The following WNT7B variants were observed in gnomAD, a reference collection of about 807,000 sequenced individuals.
WNT7B encodes the protein protein Wnt-7b.
Under a neutral mutation model 38.2 loss-of-function variants are expected in WNT7B, and 19 were observed. The ratio of observed to expected loss-of-function variants is 0.50; its 90% CI spans 0.35 to 0.73. The LOEUF (loss-of-function observed/expected upper bound fraction) is 0.73, where lower values mean the gene tolerates loss of function less well. Ranked by LOEUF, WNT7B falls within the 30% of genes least tolerant of loss-of-function variation. WNT7B has a pLI of 0.01. For missense variants in WNT7B, 423 were observed against 507.9 expected (o/e 0.83, Z 1.61); for synonymous variants, 243 against 209.3 (o/e 1.16, Z -1.39).
At chr22:45,937,354 G>A (rs1011672930) in intron 2 of WNT7B, among the ~76,000 whole-genome samples, 1 of 152,212 alleles carries the variant, frequency 6.6e-6, no homozygotes, top group Non-Finnish European at 1.5e-5. Flanking sequence ...CCCTGAAATT[G>A]GCCAGCTGAG....
chr22:45,960,469 AC>A (rs35438042), intron 1 of WNT7B, among the ~76,000 whole-genome samples: 86,895 of 150,456 alleles, frequency 0.58, 28,294 homozygotes, highest in East Asian at 0.83. Flanking sequence ...GAGCCACCCC[AC>A]CCCCCCAGCT....
intron 2 of WNT7B, chr22:45,936,134 G>T (rs1197160320): frequency 1.0e-6 from 1 of 985,366 alleles, no homozygotes; most frequent in East Asian, 1.1e-4. Flanking sequence ...TGGTCCTGAA[G>T]GTTCCAGCCC....
At chr22:45,952,086 A>G (rs1931946658) in intron 1 of WNT7B, among the ~76,000 whole-genome samples, 1 of 152,168 alleles carries the variant, frequency 6.6e-6, no homozygotes. Context: ...CTTCAAAACA[A>G]CAGATCAGGC....
chr22:45,926,838 G>A (rs1220983839), intron 3 of WNT7B: 6 of 985,326 alleles, frequency 6.1e-6, no homozygotes, highest in Non-Finnish European at 7.2e-6. Flanking sequence ...GAGAAGGAGA[G>A]TGTGGAGGGT....
intron 1 of WNT7B, among the ~76,000 whole-genome samples, chr22:45,955,953 C>T (rs537464657): frequency 1.4e-4 from 21 of 152,230 alleles, no homozygotes; most frequent in East Asian, 7.7e-4. Flanking sequence ...CGCCAGGTAG[C>T]GGGACGACCT....
In WNT7B at chr22:45,926,567, C is replaced by T. The variant is rs1015756289; in HGVS notation, c.571-3232G>A. 7 of 985,262 alleles carry T rather than the reference C, an allele frequency of 7.1e-6. No individual in the cohort carries two copies. The South Asian group carries it at 2.3e-4, about 33-fold the overall frequency. 61.0% of individuals were successfully genotyped at this position (985,262 alleles called of 1,614,324 possible). ...GAGACTGACCAGCCCAGGAGCCTGG[C>T]GTCCGATATTCCGGCCACTGGGGCC... On this transcript the variant is annotated intron_variant, in intron 3 of 3. Transcript: ENST00000339464.
chr22:45,927,287 T>C (rs1931115098), intron 3 of WNT7B: 2 of 985,116 alleles, frequency 2.0e-6, no homozygotes, highest in African/African-American at 3.5e-5. Flanking sequence ...GGCAGCCCAT[T>C]AAAGGTCACC....
At chr22:45,947,719 C>T (rs1363772247) in intron 2 of WNT7B, among the ~76,000 whole-genome samples, 1 of 152,172 alleles carries the variant, frequency 6.6e-6, no homozygotes. Flanking sequence ...TCACAAGCGG[C>T]CCAGACCAAG....
At chr22:45,948,830 T>C (rs1487937294) in intron 2 of WNT7B, among the ~76,000 whole-genome samples, 1 of 69,254 alleles carries the variant, frequency 1.4e-5, no homozygotes, top group Non-Finnish European at 2.5e-5. Flanking sequence ...AAGATCCCTT[T>C]TTTTTTTTTT....
chr22:45,940,262 A>T (rs1219079101), intron 2 of WNT7B, among the ~76,000 whole-genome samples: 3 of 151,990 alleles, frequency 2.0e-5, no homozygotes, highest in Admixed American at 2.0e-4. Flanking sequence ...CACAATTAGG[A>T]CACTGGGCTC....
chr22:45,926,999 C>G (rs994082007), intron 3 of WNT7B: 1 of 985,330 alleles, frequency 1.0e-6, no homozygotes, highest in African/African-American at 1.7e-5. Flanking sequence ...GCTCCAGGAG[C>G]TGGTGGAACT....
In WNT7B at chr22:45,975,565, C is replaced by T. The variant is rs909045319; in HGVS notation, c.71+1119G>A. On this transcript the variant is annotated intron_variant, in intron 1 of 3. Coordinates refer to ENST00000339464, the MANE Select transcript of WNT7B (RefSeq NM_058238.3). The surrounding 1 kb of genome is among the most constrained non-coding windows in gnomAD (Gnocchi z 6.6). ...TCCACCTGTAAAATGGCGGGGCAGA[C>T]ATGGGATGGAGGGTGATGGAGAGAC... The T allele has an allele frequency of 1.1e-5, 8 of 717,148 alleles. No homozygotes were observed. Among genetic ancestry groups the T allele is most frequent in the Non-Finnish European group, 1.8e-5 (7 of 384,882 alleles). 44.4% of individuals were successfully genotyped at this position (717,148 alleles called of 1,614,324 possible).
chr22:45,976,170 T>C lies in WNT7B; in HGVS notation c.71+514A>G, dbSNP rs1932545918. ...GAGTTGTCAAGGTAATTTCAACACGTCTGGGTGATGGATAGAGACGAAGGG... is the reference window on the plus strand; with the variant it reads ...GAGTTGTCAAGGTAATTTCAACACGCCTGGGTGATGGATAGAGACGAAGGG... On this transcript the variant is annotated intron_variant, in intron 1 of 3. Coordinates refer to ENST00000339464, the MANE Select transcript of WNT7B (RefSeq NM_058238.3). The surrounding 1 kb of genome is among the most constrained non-coding windows in gnomAD (Gnocchi z 8.5). The C allele has an allele frequency of 6.9e-6, 1 of 145,080 alleles. No homozygotes were observed. The highest frequency in any genetic ancestry group is 1.5e-5 in the Non-Finnish European group (1 of 65,348). The allele number at this position is 145,080 out of a possible 1,614,324, so 9.0% of individuals were successfully genotyped here.
chr22:45,973,242 C>T (rs1932489477), intron 1 of WNT7B, among the ~76,000 whole-genome samples: 1 of 152,200 alleles, frequency 6.6e-6, no homozygotes, highest in Non-Finnish European at 1.5e-5. Context: ...TCCTCGAGTT[C>T]CTTTTATTTT....
chr22:45,939,508 T>C (rs1055649424), intron 2 of WNT7B, among the ~76,000 whole-genome samples: 3 of 152,166 alleles, frequency 2.0e-5, no homozygotes, highest in African/African-American at 2.4e-5. Flanking sequence ...AACTCAAACA[T>C]ATCGGCTGGG....
intron 1 of WNT7B, among the ~76,000 whole-genome samples, chr22:45,973,937 C>G (rs960792612): frequency 3.3e-5 from 5 of 152,044 alleles, no homozygotes; most frequent in African/African-American, 1.2e-4. Flanking sequence ...GAAGTGATCA[C>G]GTAATACCCC....
rs148987342 is a variant in WNT7B at position 45,935,001 on chromosome 22, T to C, written c.299-3632A>G. Among the ~76,000 whole-genome samples the C allele has an allele frequency of 2.5e-3, 379 of 152,296 alleles. 8 individuals carry two copies. Among genetic ancestry groups the C allele is most frequent in the Admixed American group, 0.02 (298 of 15,270 alleles). ...CAACAGCCCACGGGGGAGGGCCCGT[T>C]ACCCCATGTTACAGACCTAGACGCC... is the stretch of plus-strand genomic sequence containing the variant. On this transcript the variant is annotated intron_variant, in intron 2 of 3. Transcript: ENST00000339464.
Position 45,931,344 on chromosome 22 carries a change from G to A in WNT7B, c.324C>T (p.Tyr108=), listed in dbSNP as rs375198790. 34 of 1,592,984 alleles carry A rather than the reference G, an allele frequency of 2.1e-5. No individual in the cohort carries two copies. Among genetic ancestry groups the A allele is most frequent in the East Asian group, 9.0e-5 (4 of 44,678 alleles). ...RVGSREAAFT[Y]AITAAGVAHA... Reference sequence around the variant, plus strand: ...GCGCCACGCCAGCCGCGGTGATGGCGTACGTGAAGGCAGCCTCACGGCTCC... The same window carrying A: ...GCGCCACGCCAGCCGCGGTGATGGCATACGTGAAGGCAGCCTCACGGCTCC... Residue 108 remains tyrosine, a synonymous_variant, in exon 3 of 4, where the codon TAC becomes TAT. Coordinates refer to ENST00000339464, the MANE Select transcript of WNT7B (RefSeq NM_058238.3).
At position 45,948,492 on chromosome 22, in the gene WNT7B, G is replaced by A. The variant is rs1271324310; in HGVS notation, c.298+1428C>T. 2.0e-5 allele frequency among the ~76,000 whole-genome samples: 3 copies of A among 152,260 alleles called. No individual in the cohort carries two copies. In the East Asian group the frequency reaches 5.8e-4, roughly 29 times the overall value. The stretch of plus-strand genomic sequence containing the variant: ...GCCCTGCAGAACCTAGGTCTGGCCT[G>A]TGTCCCGGCAGCTGCGGCTCTGCTC... On this transcript the variant is annotated intron_variant, in intron 2 of 3. Coordinates refer to ENST00000339464, the MANE Select transcript of WNT7B (RefSeq NM_058238.3).
Sources: allele counts gnomAD v4.1 joint callset (sites outside exome capture counted in the v4.1 genomes callset), GRCh38; gene constraint gnomAD v4.1.1; non-coding constraint Gnocchi (gnomAD v3.1); transcripts MANE v1.5; gene names NCBI Gene and HGNC (gene_info 2026-07-23, HGNC 2026-07-21).